The following MLLT3 variants were observed in gnomAD, a reference collection of about 807,000 sequenced individuals.
MLLT3 encodes the protein protein AF-9.
A neutral mutation model predicts 53.2 loss-of-function variants in MLLT3; 4 were observed. The ratio of observed to expected loss-of-function variants is 0.08; its 90% confidence interval spans 0.04 to 0.17. MLLT3 has a LOEUF of 0.17. Ranked by LOEUF, MLLT3 falls within the 10% of genes least tolerant of loss-of-function variation. MLLT3 has a pLI of 1.00. For missense variants in MLLT3, 569 were observed against 684.0 expected (o/e 0.83, Z 1.87); for synonymous variants, 283 against 230.6 (o/e 1.23, Z -2.06).
At chr9:20,376,159 C>A (rs546953009) in intron 5 of MLLT3, among the ~76,000 whole-genome samples, 2 of 151,964 alleles carry the variant, frequency 1.3e-5, no homozygotes, top group Admixed American at 1.3e-4. Context: ...AAGGTGGAAC[C>A]GGGGAAAGGA....
chr9:20,515,390 G>A (rs2118969081), intron 2 of MLLT3, among the ~76,000 whole-genome samples: 1 of 152,270 alleles, frequency 6.6e-6, no homozygotes, highest in African/African-American at 2.4e-5. Flanking sequence ...TCTAGGACTG[G>A]CATACTTGCG....
At chr9:20,376,268 C>T (rs1340029984) in intron 5 of MLLT3, among the ~76,000 whole-genome samples, 3 of 152,122 alleles carry the variant, frequency 2.0e-5, no homozygotes, top group South Asian at 2.1e-4. Flanking sequence ...ATTTGTATTA[C>T]GACAACTTGA....
At chr9:20,559,967 T>C (rs763319557) in intron 2 of MLLT3, among the ~76,000 whole-genome samples, 18 of 152,176 alleles carry the variant, frequency 1.2e-4, no homozygotes, top group Admixed American at 2.0e-4. Context: ...CCAGATACAT[T>C]CTCTGTGCCA....
chr9:20,344,905 T>C lies in MLLT3; in HGVS notation c.*1538A>G, dbSNP rs1820826454. ...CTATTAGCACACATAGAGACTTTCT[T>C]AAGGCTGATCCAGTGACGAACCTTT... On this transcript the variant is annotated 3_prime_UTR_variant, in exon 11 of 11. Transcript: ENST00000380338. The C allele has an allele frequency of 4.7e-6, 1 of 213,132 alleles. No homozygotes were observed. The allele number at this position is 213,132 out of a possible 1,614,324, so 13.2% of individuals were successfully genotyped here.
chr9:20,465,342 G>A (rs1265707633), intron 2 of MLLT3, among the ~76,000 whole-genome samples: 1 of 152,018 alleles, frequency 6.6e-6, no homozygotes, highest in African/African-American at 2.4e-5. Context: ...AAATAGATGG[G>A]TGTTGTTCTT....
chr9:20,551,227 C>T (rs1818918649), intron 2 of MLLT3, among the ~76,000 whole-genome samples: 2 of 152,184 alleles, frequency 1.3e-5, no homozygotes, highest in South Asian at 4.1e-4. Context: ...TTAGGCTCCC[C>T]AAGAAAGAAT....
rs1203070426 is a variant in MLLT3 at position 20,344,085 on chromosome 9, G to T, written c.*2358C>A. On this transcript the variant is annotated 3_prime_UTR_variant, in exon 11 of 11. Transcript: ENST00000380338. ...ATCAATTTACAAACTTACATTTTAG[G>T]ATATTCTGAAGAAATTAACTTTATT... The T allele has an allele frequency of 5.1e-6, 1 of 197,970 alleles. No individual in the cohort carries two copies. Among genetic ancestry groups the T allele is most frequent in the Non-Finnish European group, 1.0e-5 (1 of 95,922 alleles). 12.3% of individuals were successfully genotyped at this position (197,970 alleles called of 1,614,324 possible). A position where few individuals can be genotyped will look rare whatever the true frequency, so the allele number is the denominator to read the frequency against.
At chr9:20,618,947 C>T (rs959484889) in intron 2 of MLLT3, among the ~76,000 whole-genome samples, 32 of 152,090 alleles carry the variant, frequency 2.1e-4, no homozygotes, top group African/African-American at 7.7e-4. Context: ...ATAAATGTTG[C>T]TTTTTAAAAG....
At chr9:20,430,771 T>A (rs1586944002) in intron 4 of MLLT3, among the ~76,000 whole-genome samples, 1 of 152,134 alleles carries the variant, frequency 6.6e-6, no homozygotes, top group East Asian at 1.9e-4. Flanking sequence ...AATTTGTTTA[T>A]CAAAAGATAC....
At chr9:20,469,099 A>T (rs2118884407) in intron 2 of MLLT3, among the ~76,000 whole-genome samples, 1 of 152,340 alleles carries the variant, frequency 6.6e-6, no homozygotes. Flanking sequence ...AAAATAAATT[A>T]GATTTTCATT....
chr9:20,446,645 T>C (rs1437403176), intron 4 of MLLT3, among the ~76,000 whole-genome samples: 3 of 152,152 alleles, frequency 2.0e-5, no homozygotes, highest in African/African-American at 7.2e-5. Flanking sequence ...AAATGCCGAA[T>C]TCATTAAAAA....
At chr9:20,493,305 A>G (rs1019630336) in intron 2 of MLLT3, among the ~76,000 whole-genome samples, 2 of 152,042 alleles carry the variant, frequency 1.3e-5, no homozygotes, top group East Asian at 1.9e-4. Context: ...ATAAGTTTCC[A>G]GCCTTTTCAA....
chr9:20,537,987 G>A (rs1198195597), intron 2 of MLLT3, among the ~76,000 whole-genome samples: 2 of 152,022 alleles, frequency 1.3e-5, no homozygotes, highest in African/African-American at 4.8e-5. Context: ...ATAAATGCAA[G>A]GTTCATATAA....
chr9:20,434,688 T>G (rs1372798543), intron 4 of MLLT3, among the ~76,000 whole-genome samples: 1 of 152,176 alleles, frequency 6.6e-6, no homozygotes, highest in East Asian at 1.9e-4. Flanking sequence ...TCAAGCCTTT[T>G]CTAATAAAAG....
intron 2 of MLLT3, among the ~76,000 whole-genome samples, chr9:20,521,533 CAGA>C (rs536910027): frequency 1.5e-3 from 225 of 151,862 alleles, no homozygotes; most frequent in African/African-American, 4.8e-3. Context: ...CTCAAGAAAA[CAGA>C]AGAAGAAATC....
In MLLT3 at chr9:20,455,731, T is replaced by G. The variant is rs556383604; in HGVS notation, c.276+973A>C. On this transcript the variant is annotated intron_variant, in intron 3 of 10. Coordinates refer to ENST00000380338, the MANE Select transcript of MLLT3 (RefSeq NM_004529.4). ...GGAATATGATATAATAATTAGCATT[T>G]TGAAGTGCTTATCTATAAGTTACTA... Among the ~76,000 whole-genome samples the G allele has an allele frequency of 3.9e-5, 6 of 152,286 alleles. No individual in the cohort carries two copies. The South Asian group carries it at 8.3e-4, about 21-fold the overall frequency.
intron 2 of MLLT3, among the ~76,000 whole-genome samples, chr9:20,470,817 T>G (rs181592931): frequency 1.2e-4 from 19 of 152,044 alleles, no homozygotes; most frequent in Admixed American, 4.6e-4. Context: ...TGATGCTTTA[T>G]GTATAAATAC....
intron 2 of MLLT3, among the ~76,000 whole-genome samples, chr9:20,490,367 C>G (rs1017160549): frequency 2.6e-5 from 4 of 152,210 alleles, no homozygotes; most frequent in African/African-American, 9.6e-5. Context: ...AGAGAGAAGT[C>G]AGAGAGATTC....
chr9:20,403,633 T>C (rs1321192832), intron 5 of MLLT3, among the ~76,000 whole-genome samples: 3 of 152,176 alleles, frequency 2.0e-5, no homozygotes, highest in Non-Finnish European at 2.9e-5. Flanking sequence ...TTAACTAAGA[T>C]CATCAGATAA....
Sources: gnomAD v4.1 joint callset for allele counts (sites outside exome capture counted in the v4.1 genomes callset) on GRCh38, gnomAD v4.1.1 for gene constraint, MANE v1.5 for transcripts, NCBI Gene and HGNC (gene_info 2026-07-23, HGNC 2026-07-21) for gene names.